Variants in QTMAN observed in about 807,000 individuals in gnomAD.
The protein encoded by QTMAN is queuosine-tRNA mannosyltransferase, also known as tRNA-queuosine alpha-mannosyltransferase.
At chr2:144,064,709 C>A in the QTMAN span, among the ~76,000 whole-genome samples, 2 of 151,998 alleles carry the variant, frequency 1.3e-5, no homozygotes, top group Non-Finnish European at 2.9e-5. Flanking sequence ...GTTTGAGAGG[C>A]AAAAAACAAA....
At chr2:143,944,054 C>CTA in the QTMAN span, 2 of 151,974 alleles carry the variant, frequency 1.3e-5, no homozygotes, top group East Asian at 3.9e-4. Context: ...AAGAGGAAGA[C>CTA]TAAGTTTTCC....
the QTMAN span, chr2:144,237,168 T>A: frequency 6.6e-6 from 1 of 152,166 alleles, no homozygotes; most frequent in East Asian, 1.9e-4. Flanking sequence ...TCAGCAATAT[T>A]TCAATTTGTG....
chr2:143,962,253 A>G, the QTMAN span, among the ~76,000 whole-genome samples: 5 of 152,100 alleles, frequency 3.3e-5, no homozygotes, highest in African/African-American at 1.2e-4. Flanking sequence ...GAGAAGAGGA[A>G]GGTATAGAGT....
the QTMAN span, among the ~76,000 whole-genome samples, chr2:144,133,368 ATATAT>A: frequency 1.8e-3 from 98 of 54,404 alleles, 1 homozygote; most frequent in African/African-American, 6.8e-3. Context: ...ATATAATATA[ATATAT>A]AATAATAATA....
the QTMAN span, among the ~76,000 whole-genome samples, chr2:144,254,523 A>T: frequency 9.6e-3 from 1,465 of 152,340 alleles, 16 homozygotes; most frequent in African/African-American, 0.033. Context: ...CAGGCAGAAG[A>T]TTGCTGCAGG....
the QTMAN span, among the ~76,000 whole-genome samples, chr2:144,201,214 T>C: frequency 6.6e-6 from 1 of 152,146 alleles, no homozygotes; most frequent in Non-Finnish European, 1.5e-5. Flanking sequence ...AAGGACTCTC[T>C]GAAATGACGA....
the QTMAN span, among the ~76,000 whole-genome samples, chr2:144,061,609 T>C: frequency 1.3e-5 from 2 of 152,194 alleles, no homozygotes; most frequent in Non-Finnish European, 1.5e-5. Flanking sequence ...TTACCTTCAC[T>C]GTAAAGTAAA....
the QTMAN span, among the ~76,000 whole-genome samples, chr2:144,135,115 A>C: frequency 2.0e-5 from 3 of 152,182 alleles, no homozygotes; most frequent in Admixed American, 6.6e-5. Flanking sequence ...GTCTTTTTCA[A>C]GGATGAGAAA....
chr2:144,255,476 C>T, the QTMAN span, among the ~76,000 whole-genome samples: 6 of 152,204 alleles, frequency 3.9e-5, no homozygotes, highest in Admixed American at 3.3e-4. Flanking sequence ...CCATATGGAA[C>T]TGTGAGTCAA....
the QTMAN span, among the ~76,000 whole-genome samples, chr2:144,231,057 T>C: frequency 6.6e-6 from 1 of 152,046 alleles, no homozygotes; most frequent in East Asian, 1.9e-4. Flanking sequence ...CAGAATAATA[T>C]GTCAGAGGGT....
chr2:144,041,673 C>A, the QTMAN span, among the ~76,000 whole-genome samples: 1 of 152,164 alleles, frequency 6.6e-6, no homozygotes, highest in East Asian at 1.9e-4. Context: ...GGAACTCATA[C>A]TATAGTGAAG....
At chr2:144,245,400 T>C in the QTMAN span, among the ~76,000 whole-genome samples, 1 of 152,232 alleles carries the variant, frequency 6.6e-6, no homozygotes, top group African/African-American at 2.4e-5. Flanking sequence ...TTTGTAATGT[T>C]GAAAATTTGT....
chr2:144,224,413 G>T, the QTMAN span, among the ~76,000 whole-genome samples: 1 of 152,108 alleles, frequency 6.6e-6, no homozygotes, highest in East Asian at 1.9e-4. Context: ...CATGCTTGGG[G>T]ATAAATTAGG....
the QTMAN span, among the ~76,000 whole-genome samples, chr2:144,079,695 G>A: frequency 6.6e-6 from 1 of 151,880 alleles, no homozygotes; most frequent in East Asian, 1.9e-4. Flanking sequence ...TAGATGTAAT[G>A]GCCTATTAAA....
the QTMAN span, among the ~76,000 whole-genome samples, chr2:144,329,878 G>A: frequency 6.6e-6 from 1 of 152,176 alleles, no homozygotes; most frequent in Non-Finnish European, 1.5e-5. Flanking sequence ...CATTTAAAGA[G>A]TACCCACTAC....
the QTMAN span, among the ~76,000 whole-genome samples, chr2:144,308,827 T>C: frequency 7.3e-5 from 11 of 151,464 alleles, no homozygotes; most frequent in African/African-American, 1.9e-4. Context: ...CCAAAGAAAA[T>C]GTTGATAAAC....
the QTMAN span, among the ~76,000 whole-genome samples, chr2:144,101,482 C>T: frequency 1.3e-5 from 2 of 152,086 alleles, no homozygotes; most frequent in Non-Finnish European, 2.9e-5. Context: ...ATGCTTACCC[C>T]ACGCTTCTCA....
At chr2:144,137,067 T>C in the QTMAN span, among the ~76,000 whole-genome samples, 2 of 152,254 alleles carry the variant, frequency 1.3e-5, no homozygotes, top group Admixed American at 6.5e-5. Context: ...AACTGAAGGA[T>C]ATTACAACTG....
chr2:144,172,347 A>G, the QTMAN span, among the ~76,000 whole-genome samples: 1 of 152,098 alleles, frequency 6.6e-6, no homozygotes, highest in African/African-American at 2.4e-5. Flanking sequence ...AGGGCCAGGC[A>G]CGGAAGTTCA....
Sources: allele counts gnomAD v4.1 joint callset (sites outside exome capture counted in the v4.1 genomes callset), GRCh38; gene constraint gnomAD v4.1.1; transcripts MANE v1.5; gene names NCBI Gene and HGNC (gene_info 2026-07-23, HGNC 2026-07-21).